MBNL1: variants seen among roughly 807,000 people sequenced by gnomAD.
MBNL1 encodes muscleblind like splicing regulator 1.
Under a neutral mutation model 42.2 loss-of-function variants are expected in MBNL1, and 8 were observed. That is an observed-to-expected ratio of 0.19 (90% CI 0.11 to 0.34). MBNL1 has a LOEUF of 0.34. MBNL1 is among the 10% of genes least tolerant of loss of function. The probability of loss-of-function intolerance (pLI) is 1.00; values close to 1 mark genes in which losing one functional copy is unlikely to be tolerated. For missense variants in MBNL1, 309 were observed against 495.3 expected (o/e 0.62, Z 3.57); for synonymous variants, 169 against 173.9 (o/e 0.97, Z 0.22).
upstream of MBNL1, chr3:152,268,922 A>C (rs960360199): frequency 4.4e-6 from 2 of 456,042 alleles, no homozygotes; most frequent in Non-Finnish European, 8.8e-6. Flanking sequence ...GCACAGCGAC[A>C]TGCAACAGTC....
rs550034158 is a variant in MBNL1 at position 152,387,796 on chromosome 3, T to C, written c.175-27145T>C. ...ATTTAAAAGAAATAAATTGTGTGTA[T>C]ATATATTTATAAATATAAGTATGTG... On this transcript the variant is annotated intron_variant, in intron 2 of 9. Transcript: ENST00000324210. Among the ~76,000 whole-genome samples the C allele has an allele frequency of 1.1e-4, 16 of 152,204 alleles. No individual in the cohort carries two copies. The East Asian group carries it at 2.9e-3, about 27-fold the overall frequency.
At chr3:152,346,893 A>C (rs1167130633) in intron 2 of MBNL1, among the ~76,000 whole-genome samples, 3 of 150,218 alleles carry the variant, frequency 2.0e-5, no homozygotes, top group South Asian at 2.2e-4. Context: ...AAAAAAAAAA[A>C]AAAAACCAGT....
intron 2 of MBNL1, among the ~76,000 whole-genome samples, chr3:152,331,531 CTTA>C (rs1483237227): frequency 6.6e-6 from 1 of 151,700 alleles, no homozygotes; most frequent in African/African-American, 2.4e-5. Context: ...TGTAACTTCA[CTTA>C]TTTTGACCTA....
chr3:152,354,096 A>G lies in MBNL1; in HGVS notation c.174+53729A>G, dbSNP rs576121386. 3.3e-5 allele frequency among the ~76,000 whole-genome samples: 5 copies of G among 152,314 alleles called. No individual in the cohort carries two copies. The South Asian group carries it at 1.0e-3, about 32-fold the overall frequency. ...GAGGTCTGAACAATAGCTTTTATTCATGTTCTCTCACCAGTCTGTGTTACA... is the reference window on the plus strand; with the variant it reads ...GAGGTCTGAACAATAGCTTTTATTCGTGTTCTCTCACCAGTCTGTGTTACA... On this transcript the variant is annotated intron_variant, in intron 2 of 9. Coordinates refer to ENST00000324210, the MANE Select transcript of MBNL1 (RefSeq NM_021038.5).
At chr3:152,453,519 A>C (rs1178608286) in intron 6 of MBNL1, among the ~76,000 whole-genome samples, 1 of 152,224 alleles carries the variant, frequency 6.6e-6, no homozygotes, top group Non-Finnish European at 1.5e-5. Flanking sequence ...GAAAAATTTA[A>C]ATTGGCCATT....
chr3:152,418,630 A>AAAG (rs1553917169), intron 3 of MBNL1, among the ~76,000 whole-genome samples: 1,921 of 145,384 alleles, frequency 0.013, 43 homozygotes, highest in African/African-American at 0.045. Context: ...AAAAAAAAAA[A>AAAG]AGAGAGAGAG....
chr3:152,325,147 G>C (rs1324510970), intron 2 of MBNL1, among the ~76,000 whole-genome samples: 6 of 133,052 alleles, frequency 4.5e-5, no homozygotes, highest in Admixed American at 9.3e-5. Context: ...TTTCTGCCTG[G>C]GACTCTTTTT....
intron 2 of MBNL1, among the ~76,000 whole-genome samples, chr3:152,363,685 C>T (rs2096158644): frequency 6.6e-6 from 1 of 152,050 alleles, no homozygotes; most frequent in African/African-American, 2.4e-5. Flanking sequence ...ATAAAACAGC[C>T]CTCTGAAGCA....
intron 2 of MBNL1, among the ~76,000 whole-genome samples, chr3:152,347,528 A>G (rs2094441179): frequency 6.6e-6 from 1 of 152,130 alleles, no homozygotes; most frequent in African/African-American, 2.4e-5. Context: ...TTATAGCATC[A>G]GGTCAGTTTA....
At chr3:152,370,939 G>T (rs2096633577) in intron 2 of MBNL1, among the ~76,000 whole-genome samples, 1 of 151,728 alleles carries the variant, frequency 6.6e-6, no homozygotes, top group African/African-American at 2.4e-5. Context: ...AATGGATCTT[G>T]ACTCTTTATT....
chr3:152,432,456 A>G (rs2099019777), intron 3 of MBNL1, among the ~76,000 whole-genome samples: 1 of 152,204 alleles, frequency 6.6e-6, no homozygotes, highest in Non-Finnish European at 1.5e-5. Flanking sequence ...TACAAGTATT[A>G]TAGACCCTCA....
chr3:152,347,634 A>C (rs1394754812), intron 2 of MBNL1, among the ~76,000 whole-genome samples: 3 of 152,136 alleles, frequency 2.0e-5, no homozygotes, highest in Non-Finnish European at 4.4e-5. Context: ...AGTGTGAAAA[A>C]GCACTGGACT....
At chr3:152,303,239 C>T (rs1379516503) in intron 2 of MBNL1, among the ~76,000 whole-genome samples, 1 of 152,044 alleles carries the variant, frequency 6.6e-6, no homozygotes, top group African/African-American at 2.4e-5. Context: ...AATGGGAATA[C>T]ATGACAACGA....
At chr3:152,269,596 A>G (rs760477728) in intron 1 of MBNL1, 2 of 442,092 alleles carry the variant, frequency 4.5e-6, no homozygotes, top group Non-Finnish European at 9.1e-6. Context: ...CTACCCATAA[A>G]TTACGCATGA....
intron 2 of MBNL1, among the ~76,000 whole-genome samples, chr3:152,323,482 A>G (rs1005765745): frequency 1.3e-5 from 2 of 152,076 alleles, no homozygotes; most frequent in African/African-American, 4.8e-5. Context: ...CACACACGTC[A>G]TGCCTTAACA....
intron 3 of MBNL1, among the ~76,000 whole-genome samples, chr3:152,421,702 A>G (rs1286747923): frequency 6.6e-6 from 1 of 152,196 alleles, no homozygotes; most frequent in Non-Finnish European, 1.5e-5. Context: ...GAGAAAGGTC[A>G]GGTTACCCAC....
intron 1 of MBNL1, among the ~76,000 whole-genome samples, chr3:152,272,040 TC>T (rs1247389976): frequency 1.8e-3 from 17 of 9,442 alleles, no homozygotes; most frequent in African/African-American, 8.9e-3. Context: ...CTGTTTCTTT[TC>T]TCTCTCTCTC....
At chr3:152,323,737 T>C (rs1470497038) in intron 2 of MBNL1, among the ~76,000 whole-genome samples, 1 of 152,160 alleles carries the variant, frequency 6.6e-6, no homozygotes, top group Non-Finnish European at 1.5e-5. Flanking sequence ...TGTGTTGTGC[T>C]ATGAGGTTAT....
At chr3:152,425,681 A>G (rs550928775) in intron 3 of MBNL1, among the ~76,000 whole-genome samples, 79 of 152,276 alleles carry the variant, frequency 5.2e-4, no homozygotes, top group African/African-American at 1.6e-3. Context: ...TAGAATGGCA[A>G]TCATTAGAAA....
Sources: gnomAD v4.1 joint callset for allele counts (sites outside exome capture counted in the v4.1 genomes callset) on GRCh38, gnomAD v4.1.1 for gene constraint, MANE v1.5 for transcripts, NCBI Gene and HGNC (gene_info 2026-07-23, HGNC 2026-07-21) for gene names.